The following SLC30A10 variants were observed in gnomAD, a reference collection of about 807,000 sequenced individuals.
SLC30A10 encodes the protein calcium/manganese antiporter SLC30A10.
SLC30A10 carries 8 observed loss-of-function variants against 21.7 expected under a neutral mutation model. The ratio of observed to expected loss-of-function variants is 0.37; its 90% CI spans 0.22 to 0.67. The LOEUF (loss-of-function observed/expected upper bound fraction) is 0.67, where lower values mean the gene tolerates loss of function less well. Among genes scored for constraint, SLC30A10 ranks in the 30% least tolerant of loss-of-function variants. The probability of loss-of-function intolerance (pLI) is 0.58; values close to 1 mark genes in which losing one functional copy is unlikely to be tolerated. For missense variants in SLC30A10, 521 were observed against 642.5 expected, an observed-to-expected ratio of 0.81 and a Z score of 2.04; for synonymous variants, 272 against 279.4, an observed-to-expected ratio of 0.97 and a Z score of 0.26.
chr1:219,955,542 T>C (rs1029963413), intron 1 of SLC30A10, among the ~76,000 whole-genome samples: 1 of 152,212 alleles, frequency 6.6e-6, no homozygotes, highest in African/African-American at 2.4e-5. Context: ...TTTAAAGTCT[T>C]ACCTATATAT....
At chr1:219,936,776 C>T (rs922658124) in intron 1 of SLC30A10, among the ~76,000 whole-genome samples, 2 of 152,170 alleles carry the variant, frequency 1.3e-5, no homozygotes, top group South Asian at 2.1e-4. Context: ...CTTTGCTTTC[C>T]TTCTTCAATT....
In SLC30A10 at chr1:219,911,148, A is replaced by AGTTTTTTTTTT. The variant is rs59876760; in HGVS notation, c.*4290_*4300dup. On this transcript the variant is annotated 3_prime_UTR_variant, in exon 4 of 4. Transcript: ENST00000366926. ...CATGTTTCTTCATTTTTTCTACATC[A>AGTTTTTTTTTT]GTTTTTTTTTTTTTTTTTTTTTTTT... 0.33 allele frequency among the ~76,000 whole-genome samples: 11,570 copies of AGTTTTTTTTTT among 35,204 alleles called. 2,265 individuals carry two copies. The highest frequency in any genetic ancestry group is 0.38 in the Non-Finnish European group (8,201 of 21,552). 23.1% of individuals were successfully genotyped at this position (35,204 alleles called of 152,430 possible).
At position 219,910,740 on chromosome 1, in the gene SLC30A10, G is replaced by C. The variant is rs1163959415; in HGVS notation, c.*4709C>G. ...TCCTTTCCGGATTGTTCTCATTAGA[G>C]TGCAGAGTAGGTGCAGTGTCTGGCA... On this transcript the variant is annotated 3_prime_UTR_variant, in exon 4 of 4. Coordinates refer to ENST00000366926, the MANE Select transcript of SLC30A10 (RefSeq NM_018713.3). Among the ~76,000 whole-genome samples the C allele has an allele frequency of 1.3e-5, 2 of 152,200 alleles. No individual in the cohort carries two copies. The highest frequency in any genetic ancestry group is 4.8e-5 in the African/African-American group (2 of 41,434).
rs1006480260 is a variant in SLC30A10 at position 219,927,937 on chromosome 1, C to T, written c.504G>A (p.Gly168=). The change falls in exon 1 of 4, where the codon GGG becomes GGA. Residue 168 remains glycine, a synonymous_variant. Transcript: ENST00000366926. ...GCGGGTCCTCCGCGCCCTGAGGCCCCCCGAAAGCGCCGGGGACACAGCCCT... is the reference window on the plus strand; with the variant it reads ...GCGGGTCCTCCGCGCCCTGAGGCCCTCCGAAAGCGCCGGGGACACAGCCCT... ...LAEGCVPGAF[G]GPQGAEDPRR... The T allele has an allele frequency of 2.2e-5, 34 of 1,538,048 alleles. No homozygotes were observed. The highest frequency in any genetic ancestry group is 3.4e-4 in the Middle Eastern group (2 of 5,940).
Position 219,915,446 on chromosome 1 carries a change from A to T in SLC30A10, c.*3T>A, listed in dbSNP as rs1290974979. ...TATATGGTCTGATTATGTGAGTACC[A>T]GATTAAAAATGCGTTCTGTTGACAT... On this transcript the variant is annotated 3_prime_UTR_variant, in exon 4 of 4. Transcript: ENST00000366926. The T allele has an allele frequency of 6.2e-7, 1 of 1,611,584 alleles. No individual in the cohort carries two copies. The highest frequency in any genetic ancestry group is 8.5e-7 in the Non-Finnish European group (1 of 1,178,786).
chr1:219,938,361 T>A (rs1193213066), intron 1 of SLC30A10, among the ~76,000 whole-genome samples: 2 of 152,202 alleles, frequency 1.3e-5, no homozygotes, highest in African/African-American at 4.8e-5. Context: ...ACTCTAGACA[T>A]CTTTCTACCA....
intron 1 of SLC30A10, among the ~76,000 whole-genome samples, chr1:219,951,478 T>C (rs1227063091): frequency 6.6e-6 from 1 of 151,582 alleles, no homozygotes; most frequent in South Asian, 2.1e-4. Context: ...TCCCAGCACT[T>C]TGGGAGGCCG....
In SLC30A10 at chr1:219,922,212, T is replaced by G. The variant is rs1200729655; in HGVS notation, c.719-3718A>C. Reference sequence around the variant, plus strand: ...TTTTTTTTTTTTTTTTTTTTTTTTTTTTTTTTTTTTTTTTTTTTTGCAGAG... The same window carrying G: ...TTTTTTTTTTTTTTTTTTTTTTTTTGTTTTTTTTTTTTTTTTTTTGCAGAG... On this transcript the variant is annotated intron_variant, in intron 2 of 3. Transcript: ENST00000366926. Among the ~76,000 whole-genome samples the G allele has an allele frequency of 3.9e-4, 26 of 67,238 alleles. 2 individuals are homozygous for G. The highest frequency in any genetic ancestry group is 1.3e-3 in the African/African-American group (22 of 17,486). The allele number at this position is 67,238 out of a possible 152,430, so 44.1% of individuals were successfully genotyped here.
chr1:219,937,623 T>TG (rs1478793121), intron 1 of SLC30A10, among the ~76,000 whole-genome samples: 2 of 152,206 alleles, frequency 1.3e-5, no homozygotes, highest in Admixed American at 1.3e-4. Context: ...AAGACCAGCC[T>TG]GCCAACATGG....
intron 2 of SLC30A10, among the ~76,000 whole-genome samples, chr1:219,925,649 ATATTTTTTTTTT>A (rs1179532024): frequency 1.5e-5 from 1 of 65,948 alleles, no homozygotes; most frequent in Non-Finnish European, 2.5e-5. Flanking sequence ...ATATATATAT[ATATTTTTTTTTT>A]TTTTTTTTTT....
upstream of SLC30A10, chr1:219,928,672 G>T (rs75874813): frequency 3.2e-4 from 142 of 448,982 alleles, 1 homozygote; most frequent in East Asian, 5.2e-3. This position sits in a 1 kb window ranked among gnomAD's most constrained non-coding sequence, Gnocchi z 6.3. Context: ...CCCGTGCACC[G>T]CCTCCCGCGG....
intron 1 of SLC30A10, among the ~76,000 whole-genome samples, chr1:219,946,811 C>T (rs932376586): frequency 3.7e-4 from 57 of 152,194 alleles, no homozygotes; most frequent in African/African-American, 1.4e-3. Context: ...CCAAGCTACA[C>T]TCTCCAAAAC....
intron 1 of SLC30A10, among the ~76,000 whole-genome samples, chr1:219,958,348 G>T (rs562017195): frequency 6.6e-6 from 1 of 152,116 alleles, no homozygotes; most frequent in Admixed American, 6.6e-5. Context: ...GTAAAAATTC[G>T]AGAAGTCCTC....
At chr1:219,942,200 G>A (rs1030064702) in intron 1 of SLC30A10, among the ~76,000 whole-genome samples, 1 of 152,200 alleles carries the variant, frequency 6.6e-6, no homozygotes, top group African/African-American at 2.4e-5. Context: ...GGCCAAAAAT[G>A]AAGTAAAAGT....
rs776516354 is a variant in SLC30A10 at position 219,927,946 on chromosome 1, G to C, written c.495C>G (p.Gly165=). 6.5e-7 allele frequency: 1 copy of C among 1,540,828 alleles called. No individual in the cohort carries two copies. Among genetic ancestry groups the C allele is most frequent in the South Asian group, 1.2e-5 (1 of 83,268 alleles). ...CCGCGCCCTGAGGCCCCCCGAAAGCGCCGGGGACACAGCCCTCCGCCAGCT... is the reference window on the plus strand; with the variant it reads ...CCGCGCCCTGAGGCCCCCCGAAAGCCCCGGGGACACAGCCCTCCGCCAGCT... ...RQQLAEGCVP[G]AFGGPQGAED... Residue 165 remains glycine (G), a synonymous_variant, in exon 1 of 4, where the codon GGC becomes GGG. Coordinates refer to ENST00000366926, the MANE Select transcript of SLC30A10 (RefSeq NM_018713.3).
intron 2 of SLC30A10, among the ~76,000 whole-genome samples, chr1:219,922,222 T>C (rs1379815871): frequency 1.3e-5 from 1 of 74,564 alleles, no homozygotes; most frequent in Non-Finnish European, 2.3e-5. Context: ...TTTTTTTTTT[T>C]TTTTTTTTTG....
At chr1:219,924,654 C>A (rs1216643234) in intron 2 of SLC30A10, among the ~76,000 whole-genome samples, 1 of 152,190 alleles carries the variant, frequency 6.6e-6, no homozygotes, top group Non-Finnish European at 1.5e-5. Context: ...TTGAGCCCAG[C>A]AATTCCACCC....
At position 219,950,145 on chromosome 1, in the gene SLC30A10, C is replaced by T. The variant is rs564030060; in HGVS notation, n.80+8423G>A. 5.9e-5 allele frequency among the ~76,000 whole-genome samples: 9 copies of T among 152,330 alleles called. No individual in the cohort carries two copies. The East Asian group carries it at 1.5e-3, about 26-fold the overall frequency. ...TGGGTTAGCCATAAAACGGTTGATG[C>T]CTCAGTTTCTTCATCTGTATCTTGG... On this transcript the variant is annotated intron_variant and non_coding_transcript_variant, in intron 1 of 8. Coordinates refer to the SLC30A10 transcript ENST00000484239.
intron 1 of SLC30A10, among the ~76,000 whole-genome samples, chr1:219,946,225 A>G (rs1571812166): frequency 6.6e-6 from 1 of 152,182 alleles, no homozygotes; most frequent in African/African-American, 2.4e-5. Context: ...GTCACTATAT[A>G]ATTGCCAATG....
Sources: allele counts gnomAD v4.1 joint callset (sites outside exome capture counted in the v4.1 genomes callset), GRCh38; gene constraint gnomAD v4.1.1; non-coding constraint Gnocchi (gnomAD v3.1); transcripts MANE v1.5; gene names NCBI Gene and HGNC (gene_info 2026-07-23, HGNC 2026-07-21).